Variants in HM13 observed in about 807,000 individuals in gnomAD.
The protein encoded by HM13 is histocompatibility minor 13.
Under a neutral mutation model 50.0 loss-of-function variants are expected in HM13, and 18 were observed. The observed-to-expected ratio is 0.36, with a 90% CI of 0.25 to 0.53. HM13 has a LOEUF of 0.53. Among genes scored for constraint, HM13 ranks in the 20% least tolerant of loss-of-function variants. The pLI, the probability that HM13 is intolerant of heterozygous loss-of-function variation, is 0.90. For synonymous variants in HM13, 197 were observed against 232.6 expected, an observed-to-expected ratio of 0.85 and a Z score of 1.39; for missense variants, 393 against 552.4, an observed-to-expected ratio of 0.71 and a Z score of 2.89.
At chr20:31,523,211 C>T (rs944810922) in intron 1 of HM13, among the ~76,000 whole-genome samples, 3 of 151,664 alleles carry the variant, frequency 2.0e-5, no homozygotes, top group African/African-American at 4.8e-5. Context: ...ATATCACACC[C>T]GGCTAATTTT....
intron 1 of HM13, among the ~76,000 whole-genome samples, chr20:31,516,077 G>A (rs1252032327): frequency 6.6e-6 from 1 of 152,246 alleles, no homozygotes. Context: ...GGCTTAGGCT[G>A]AGAGACTCAA....
At chr20:31,539,192 A>G in intron 3 of HM13, 4 of 985,464 alleles carry the variant, frequency 4.1e-6, no homozygotes, top group Non-Finnish European at 4.8e-6. Flanking sequence ...GGACTATCCC[A>G]TGTATTACAA....
chr20:31,546,271 C>CATG (rs1306143693), intron 4 of HM13, among the ~76,000 whole-genome samples: 1 of 151,574 alleles, frequency 6.6e-6, no homozygotes, highest in African/African-American at 2.4e-5. Context: ...TGGTCTCCAT[C>CATG]CCCTGACCTC....
At position 31,561,535 on chromosome 20, in the gene HM13, C is replaced by CT. The variant is rs1013099055; in HGVS notation, c.846-99_846-98insT. 1.7e-5 allele frequency: 14 copies of CT among 825,464 alleles called. No individual in the cohort carries two copies. In the African/African-American group the frequency reaches 2.2e-4, roughly 13 times the overall value. 51.1% of individuals were successfully genotyped at this position (825,464 alleles called of 1,614,324 possible). ...CCAGCCCAGAGCTCAGTCACCCCCC[C>CT]ACAACCTCTAGGGTCTTCCCCAGCT... is the stretch of plus-strand genomic sequence containing the variant. On this transcript the variant is annotated intron_variant, in intron 9 of 12. Coordinates refer to ENST00000398174, the MANE Select transcript of HM13 (RefSeq NM_178581.3).
At chr20:31,536,444 AG>A (rs1983111793) in intron 2 of HM13, among the ~76,000 whole-genome samples, 1 of 151,996 alleles carries the variant, frequency 6.6e-6, no homozygotes. Flanking sequence ...CCCCCAAGCC[AG>A]GGCACCGTCC....
chr20:31,530,789 G>A (rs1982768951), intron 2 of HM13, among the ~76,000 whole-genome samples: 1 of 152,120 alleles, frequency 6.6e-6, no homozygotes, highest in Non-Finnish European at 1.5e-5. Flanking sequence ...CAGTGTTGGG[G>A]TATCATAGCA....
chr20:31,557,641 G>A (rs867217245), intron 8 of HM13, among the ~76,000 whole-genome samples: 4 of 150,444 alleles, frequency 2.7e-5, no homozygotes, highest in Non-Finnish European at 4.4e-5. Context: ...AGTATTCATT[G>A]AGAACTAATT....
chr20:31,551,008 G>A (rs1387879820), intron 7 of HM13, among the ~76,000 whole-genome samples: 2 of 152,110 alleles, frequency 1.3e-5, no homozygotes, highest in African/African-American at 4.8e-5. Context: ...ATATATATGT[G>A]TGTGTACATA....
chr20:31,532,470 TTCATAGC>T (rs2122573950), intron 2 of HM13, among the ~76,000 whole-genome samples: 1 of 151,734 alleles, frequency 6.6e-6, no homozygotes, highest in Non-Finnish European at 1.5e-5. Flanking sequence ...AATGCCTTGG[TTCATAGC>T]ATACCATCCT....
chr20:31,542,918 A>G (rs1983524450), intron 3 of HM13, among the ~76,000 whole-genome samples: 1 of 152,186 alleles, frequency 6.6e-6, no homozygotes, highest in Admixed American at 6.5e-5. Context: ...ATTTGAGCCC[A>G]GGAAGTCTGG....
chr20:31,538,310 A>G (rs747596506), intron 3 of HM13, 49 bp downstream of exon 3: 11 of 1,614,048 alleles, frequency 6.8e-6, no homozygotes, highest in Non-Finnish European at 9.3e-6. Flanking sequence ...CTCGGGAACC[A>G]GTACAGGGTC....
At position 31,514,706 on chromosome 20, in the gene HM13, T is replaced by C; in HGVS notation, c.155T>C (p.Leu52Pro). The C allele has an allele frequency of 6.5e-7, 1 of 1,546,858 alleles. No individual in the cohort carries two copies. Among genetic ancestry groups the C allele is most frequent in the Non-Finnish European group, 8.7e-7 (1 of 1,146,348 alleles). ...MALLPIFFGA[L>P]RSVRCARGKN... The stretch of plus-strand genomic sequence containing the variant: ...CTGCTGCCCATCTTCTTCGGCGCCC[T>C]GCGCTCCGTACGCTGCGCCCGCGGC... The change falls in exon 1 of 13, where the codon CTG (leucine) becomes CCG (proline). Residue 52 changes from leucine (L) to proline (P), a missense_variant. Leu to Pro is a moderately conservative substitution (Grantham distance 98, BLOSUM62 -3). Around this residue, in one of 3 missense-constraint regions of HM13, gnomAD observed 214 missense variants for 276.1 expected, o/e 0.77. Coordinates refer to ENST00000398174, the MANE Select transcript of HM13 (RefSeq NM_178581.3). The surrounding 1 kb of genome is among the most constrained non-coding windows in gnomAD (Gnocchi z 4.3).
At chr20:31,566,452 G>A (rs1984920550) in intron 11 of HM13, among the ~76,000 whole-genome samples, 157 bp downstream of exon 11, 1 of 152,106 alleles carries the variant, frequency 6.6e-6, no homozygotes. Context: ...TGGGTACCTG[G>A]CCTGTGGACA....
chr20:31,521,728 C>T (rs78305089), intron 1 of HM13, among the ~76,000 whole-genome samples: 1 of 89,112 alleles, frequency 1.1e-5, no homozygotes, highest in East Asian at 4.5e-4. Context: ...GACTCCATCT[C>T]AAAAAAAAAA....
At chr20:31,548,643 C>A (rs1983852278) in intron 4 of HM13, 1 of 280,792 alleles carries the variant, frequency 3.6e-6, no homozygotes, top group African/African-American at 2.1e-5. Context: ...CCACAGCAGC[C>A]CTAAGAAGGG....
chr20:31,516,814 C>T (rs1179301288), intron 1 of HM13, among the ~76,000 whole-genome samples: 1 of 152,196 alleles, frequency 6.6e-6, no homozygotes, highest in African/African-American at 2.4e-5. Context: ...AAGAGCCTGC[C>T]ACCACCAATG....
At chr20:31,527,606 G>T (rs747216058) in intron 2 of HM13, 24 bp downstream of exon 2, 1 of 1,485,656 alleles carries the variant, frequency 6.7e-7, no homozygotes, top group Admixed American at 1.7e-5. Flanking sequence ...CACCTGTTGT[G>T]TCATTTGATC....
intron 7 of HM13, among the ~76,000 whole-genome samples, chr20:31,550,987 T>G (rs1055851759): frequency 1.3e-5 from 2 of 152,194 alleles, no homozygotes; most frequent in Non-Finnish European, 2.9e-5. Flanking sequence ...TTAAAATTTA[T>G]ATATGTATAA....
chr20:31,554,127 CCT>C (rs1301095153), intron 7 of HM13, among the ~76,000 whole-genome samples: 1 of 152,174 alleles, frequency 6.6e-6, no homozygotes, highest in Non-Finnish European at 1.5e-5. Context: ...TGCCCTGCAT[CCT>C]CTCACGTCCC....
Sources: allele counts gnomAD v4.1 joint callset (sites outside exome capture counted in the v4.1 genomes callset), GRCh38; gene constraint gnomAD v4.1.1; regional missense constraint gnomAD v4.1.1; non-coding constraint Gnocchi (gnomAD v3.1); transcripts MANE v1.5; gene names NCBI Gene and HGNC (gene_info 2026-07-23, HGNC 2026-07-21).